The following EEFSEC variants were observed in gnomAD, a reference collection of about 807,000 sequenced individuals.
The protein encoded by EEFSEC is selenocysteine-specific elongation factor.
In EEFSEC, 43 loss-of-function variants were observed where a neutral mutation model predicts 42.1. The observed-to-expected ratio is 1.02, with a 90% confidence interval of 0.80 to 1.32. EEFSEC has a LOEUF of 1.32. Ranked by LOEUF, EEFSEC falls within the 40% of genes most tolerant of loss-of-function variation. The pLI is 0.00. For missense variants in EEFSEC, 745 were observed against 803.6 expected, an observed-to-expected ratio of 0.93 and a Z score of 0.88; for synonymous variants, 354 against 339.1, an observed-to-expected ratio of 1.04 and a Z score of -0.48.
intron 1 of EEFSEC, among the ~76,000 whole-genome samples, chr3:128,156,213 T>C (rs1163074475): frequency 6.6e-6 from 1 of 152,246 alleles, no homozygotes; most frequent in Non-Finnish European, 1.5e-5. Context: ...TTGCTCCAAC[T>C]GGAAGATAGT....
intron 4 of EEFSEC, among the ~76,000 whole-genome samples, chr3:128,337,453 A>G (rs900219406): frequency 6.6e-6 from 1 of 152,162 alleles, no homozygotes; most frequent in African/African-American, 2.4e-5. Context: ...AGGAGGGGGA[A>G]GGGGCATCAG....
intron 4 of EEFSEC, among the ~76,000 whole-genome samples, chr3:128,322,455 T>A (rs1312106295): frequency 6.6e-6 from 1 of 152,232 alleles, no homozygotes. Flanking sequence ...AGGGAAAGTG[T>A]TGCTCCCAAA....
At chr3:128,330,720 A>AGG (rs1249667735) in intron 4 of EEFSEC, among the ~76,000 whole-genome samples, 1 of 151,956 alleles carries the variant, frequency 6.6e-6, no homozygotes, top group South Asian at 2.1e-4. Flanking sequence ...ACAAGGGGGC[A>AGG]GGGGGCATCA....
intron 1 of EEFSEC, among the ~76,000 whole-genome samples, chr3:128,190,712 C>T (rs530103910): frequency 1.4e-4 from 22 of 152,338 alleles, no homozygotes; most frequent in African/African-American, 5.1e-4. Flanking sequence ...ACCACTCACT[C>T]ACTGACTCGC....
chr3:128,344,695 C>G lies in EEFSEC; in HGVS notation c.1443+2806C>G, dbSNP rs150742281. ...ATCTCCTTGGTGGGAGACTTTCCTT[C>G]CTGGTAAGGTGGAACTTGGAGATCA... On this transcript the variant is annotated intron_variant, in intron 5 of 6. Coordinates refer to ENST00000254730, the MANE Select transcript of EEFSEC (RefSeq NM_021937.5). Among the ~76,000 whole-genome samples the G allele has an allele frequency of 8.9e-4, 135 of 152,352 alleles. 2 individuals carry two copies. The East Asian group carries it at 0.024, about 27-fold the overall frequency.
chr3:128,204,931 C>T (rs142431378), intron 1 of EEFSEC, among the ~76,000 whole-genome samples: 6 of 152,328 alleles, frequency 3.9e-5, no homozygotes, highest in African/African-American at 1.4e-4. Context: ...AATTGTTACA[C>T]TTCCCCATTA....
intron 6 of EEFSEC, among the ~76,000 whole-genome samples, chr3:128,360,805 G>A (rs1257027184): frequency 6.6e-6 from 1 of 152,154 alleles, no homozygotes; most frequent in African/African-American, 2.4e-5. Flanking sequence ...TCTGGTCAAT[G>A]TTGACTTTTT....
intron 1 of EEFSEC, among the ~76,000 whole-genome samples, chr3:128,165,343 C>G (rs2065233695): frequency 6.6e-6 from 1 of 152,240 alleles, no homozygotes; most frequent in Admixed American, 6.5e-5. Context: ...CTGAGGAACA[C>G]TTTATATATA....
intron 4 of EEFSEC, among the ~76,000 whole-genome samples, chr3:128,305,101 A>G (rs2066812097): frequency 6.6e-6 from 1 of 152,330 alleles, no homozygotes; most frequent in African/African-American, 2.4e-5. Context: ...TCATAAGGAA[A>G]TACTCATTTA....
chr3:128,424,030 C>T, the EEFSEC span, among the ~76,000 whole-genome samples: 1 of 152,046 alleles, frequency 6.6e-6, no homozygotes, highest in Non-Finnish European at 1.5e-5. Context: ...AAACGACACC[C>T]AGAAACACCA....
chr3:128,368,571 A>G (rs1365156686), intron 6 of EEFSEC, among the ~76,000 whole-genome samples: 3 of 152,068 alleles, frequency 2.0e-5, no homozygotes, highest in Non-Finnish European at 2.9e-5. Flanking sequence ...TGTTAAAATC[A>G]CTCCCTGGAT....
At chr3:128,343,358 T>C (rs1246978060) in intron 5 of EEFSEC, among the ~76,000 whole-genome samples, 1 of 152,068 alleles carries the variant, frequency 6.6e-6, no homozygotes, top group Non-Finnish European at 1.5e-5. Flanking sequence ...GGCCCTCTTC[T>C]TTTCCTGCCC....
Position 128,162,204 on chromosome 3 carries a change from A to C in EEFSEC, c.316+8381A>C, listed in dbSNP as rs142951282. Among the ~76,000 whole-genome samples the C allele has an allele frequency of 3.0e-3, 450 of 152,264 alleles. 6 individuals carry two copies. Among genetic ancestry groups the C allele is most frequent in the Non-Finnish European group, 1.1e-3 (76 of 68,016 alleles). ...CCTGTTTCTTTGTGCCCATCCAGTG[A>C]GAGCTGTTTCTTTCTCTTCTTCACT... On this transcript the variant is annotated intron_variant, in intron 1 of 6. Transcript: ENST00000254730.
At position 128,263,910 on chromosome 3, in the gene EEFSEC, C is replaced by T. The variant is rs6785597; in HGVS notation, c.622-707C>T. On this transcript the variant is annotated intron_variant, in intron 3 of 6. Coordinates refer to ENST00000254730, the MANE Select transcript of EEFSEC (RefSeq NM_021937.5). Reference sequence around the variant, plus strand: ...CCTTTCCTCCTCCCTCTCCCCACATCCCCTTGTTTCTTCTTCTTTCACTTG... The same window carrying T: ...CCTTTCCTCCTCCCTCTCCCCACATTCCCTTGTTTCTTCTTCTTTCACTTG... 6.6e-3 allele frequency among the ~76,000 whole-genome samples: 1,000 copies of T among 152,304 alleles called. 14 individuals carry two copies. Among genetic ancestry groups the T allele is most frequent in the African/African-American group, 0.023 (951 of 41,576 alleles).
rs576803279 is a variant in EEFSEC, at chr3:128,239,051, A to C, written c.317-7785A>C. ...CCTGCAAGTCTGGTGAGATTTGGCC[A>C]GGATGTTTGTGGAGGAGCCTGCCTT... is the stretch of plus-strand genomic sequence containing the variant. On this transcript the variant is annotated intron_variant, in intron 1 of 6. Coordinates refer to ENST00000254730, the MANE Select transcript of EEFSEC (RefSeq NM_021937.5). Among the ~76,000 whole-genome samples, 26 of 152,354 alleles carry C rather than the reference A, an allele frequency of 1.7e-4. 1 individual carries two copies. In the South Asian group the frequency reaches 5.4e-3, roughly 32 times the overall value.
chr3:128,291,436 T>A (rs2066643151), intron 4 of EEFSEC, among the ~76,000 whole-genome samples: 1 of 152,204 alleles, frequency 6.6e-6, no homozygotes, highest in Non-Finnish European at 1.5e-5. Context: ...TCACCTTTTC[T>A]TTGCCCTTAT....
At chr3:128,212,830 C>T (rs1224819017) in intron 1 of EEFSEC, among the ~76,000 whole-genome samples, 2 of 152,100 alleles carry the variant, frequency 1.3e-5, no homozygotes, top group Admixed American at 6.5e-5. Flanking sequence ...ATAAACAGGA[C>T]GAGTGTTGCG....
At chr3:128,411,385 AG>A (rs778209990), downstream of EEFSEC, among the ~76,000 whole-genome samples, 190 of 152,284 alleles carry the variant, frequency 1.2e-3, 1 homozygote, top group Non-Finnish European at 2.1e-3. Context: ...CCGGTTTCCC[AG>A]GGGTGTGGGC....
intron 1 of EEFSEC, among the ~76,000 whole-genome samples, chr3:128,159,737 C>T (rs1040860040): frequency 2.0e-5 from 3 of 152,218 alleles, no homozygotes; most frequent in Non-Finnish European, 4.4e-5. Flanking sequence ...GTTGTTGCCT[C>T]TGTTTGGTAC....
Sources: gnomAD v4.1 joint callset for allele counts (sites outside exome capture counted in the v4.1 genomes callset) on GRCh38, gnomAD v4.1.1 for gene constraint, MANE v1.5 for transcripts, NCBI Gene and HGNC (gene_info 2026-07-23, HGNC 2026-07-21) for gene names.